CTIF: variants seen among roughly 807,000 people sequenced by gnomAD.
CTIF encodes the protein CBP80/20-dependent translation initiation factor.
CTIF carries 21 observed loss-of-function variants against 66.0 expected under a neutral mutation model. That is an observed-to-expected ratio of 0.32 (90% confidence interval 0.23 to 0.46). CTIF has a LOEUF of 0.46. Ranked by LOEUF, CTIF falls within the 20% of genes least tolerant of loss-of-function variation. The probability of loss-of-function intolerance (pLI) is 1.00; values close to 1 mark genes in which losing one functional copy is unlikely to be tolerated. For synonymous variants in CTIF, 345 were observed against 326.4 expected (o/e 1.06, Z -0.62); for missense variants, 739 against 812.7 (o/e 0.91, Z 1.10).
intron 10 of CTIF, among the ~76,000 whole-genome samples, chr18:48,841,036 A>G (rs1464000010): frequency 1.3e-5 from 2 of 152,168 alleles, no homozygotes; most frequent in African/African-American, 4.8e-5. Flanking sequence ...GGAGTGGGCC[A>G]GTGTGTCCCT....
intron 2 of CTIF, among the ~76,000 whole-genome samples, chr18:48,623,267 G>A (rs550055282): frequency 1.3e-5 from 2 of 152,320 alleles, no homozygotes; most frequent in African/African-American, 2.4e-5. Flanking sequence ...GAATTCCCTC[G>A]AAGAATGCAG....
chr18:48,590,698 C>G (rs939530636), intron 1 of CTIF, among the ~76,000 whole-genome samples: 2 of 152,190 alleles, frequency 1.3e-5, no homozygotes, highest in Non-Finnish European at 2.9e-5. Context: ...AAGAGGATGG[C>G]CACACCCTCG....
chr18:48,576,616 C>T (rs956846264), intron 1 of CTIF, among the ~76,000 whole-genome samples: 8 of 152,300 alleles, frequency 5.3e-5, no homozygotes, highest in Middle Eastern at 3.4e-3. Context: ...CCAGCCGGGG[C>T]GTAACCGTTT....
intron 1 of CTIF, chr18:48,566,296 GT>G (rs961592180): frequency 1.3e-5 from 2 of 152,306 alleles, no homozygotes; most frequent in Admixed American, 6.5e-5. Flanking sequence ...GCCAAGTCCT[GT>G]TCTAGCTGCT....
At chr18:48,809,642 A>G (rs762982508) in intron 9 of CTIF, among the ~76,000 whole-genome samples, 5 of 152,030 alleles carry the variant, frequency 3.3e-5, no homozygotes, top group Non-Finnish European at 7.4e-5. Context: ...AATTTTTTGG[A>G]AGTTTGAATG....
chr18:48,835,163 G>A (rs897572524), intron 10 of CTIF, among the ~76,000 whole-genome samples: 2 of 152,208 alleles, frequency 1.3e-5, no homozygotes, highest in Non-Finnish European at 2.9e-5. Context: ...CCTCTGCGGG[G>A]TTCCCAGAAG....
At chr18:48,588,934 C>G (rs2143935195) in intron 1 of CTIF, among the ~76,000 whole-genome samples, 1 of 152,292 alleles carries the variant, frequency 6.6e-6, no homozygotes, top group Non-Finnish European at 1.5e-5. Context: ...GGACTTTTCC[C>G]TTTCCCCTCC....
chr18:48,859,851 C>G lies in CTIF; in HGVS notation c.*292C>G, dbSNP rs2069421487. 1 of 592,456 alleles carries G rather than the reference C, an allele frequency of 1.7e-6. No homozygotes were observed. Among genetic ancestry groups the G allele is most frequent in the East Asian group, 3.7e-5 (1 of 26,976 alleles). The allele number at this position is 592,456 out of a possible 1,614,324, so 36.7% of individuals were successfully genotyped here. The stretch of plus-strand genomic sequence containing the variant: ...CTTCCTCACTCCCGCCTCTCCCCTC[C>G]CCATCAGACCCATCCCCCACGGAGC... On this transcript the variant is annotated 3_prime_UTR_variant, in exon 12 of 12. Transcript: ENST00000256413.
chr18:48,817,465 G>A, intron 10 of CTIF, 89 bp downstream of exon 10: 3 of 1,474,952 alleles, frequency 2.0e-6, no homozygotes, highest in South Asian at 1.3e-5. Context: ...AGCTGTGAGG[G>A]TAGGCTCACT....
intron 6 of CTIF, among the ~76,000 whole-genome samples, chr18:48,690,599 A>G (rs552324748): frequency 1.1e-4 from 16 of 152,250 alleles, no homozygotes; most frequent in African/African-American, 3.9e-4. Flanking sequence ...CTGATCCATC[A>G]TGACCTGGCT....
intron 2 of CTIF, among the ~76,000 whole-genome samples, chr18:48,622,736 G>A (rs34511015): frequency 0.056 from 8,575 of 152,210 alleles, 381 homozygotes; most frequent in African/African-American, 0.13. Flanking sequence ...GATTGTCTAG[G>A]GCAGGAACTA....
intron 7 of CTIF, among the ~76,000 whole-genome samples, chr18:48,740,789 G>A (rs2092546611): frequency 6.6e-6 from 1 of 151,942 alleles, no homozygotes; most frequent in Non-Finnish European, 1.5e-5. Context: ...GCCTACCCGT[G>A]GTCAACTCAT....
intron 9 of CTIF, among the ~76,000 whole-genome samples, chr18:48,785,754 C>A (rs904513592): frequency 2.0e-5 from 3 of 152,194 alleles, no homozygotes; most frequent in Admixed American, 6.5e-5. Context: ...TACCAAATTT[C>A]TATGGGGTAC....
chr18:48,656,856 G>A (rs952345595), intron 3 of CTIF, among the ~76,000 whole-genome samples: 4 of 152,230 alleles, frequency 2.6e-5, no homozygotes, highest in African/African-American at 9.6e-5. Context: ...TGTGCTCAGA[G>A]GGAAGCTGTG....
chr18:48,799,355 C>A (rs1382570707), intron 9 of CTIF, among the ~76,000 whole-genome samples: 1 of 152,052 alleles, frequency 6.6e-6, no homozygotes, highest in Non-Finnish European at 1.5e-5. Context: ...AATAACTTGC[C>A]CAAGGTCAAA....
At chr18:48,704,115 T>C (rs1362366407) in intron 6 of CTIF, among the ~76,000 whole-genome samples, 2 of 151,846 alleles carry the variant, frequency 1.3e-5, no homozygotes, top group African/African-American at 4.8e-5. Context: ...CACCACGGGG[T>C]CTATGGTAGG....
At chr18:48,674,189 G>A (rs990695175) in intron 6 of CTIF, among the ~76,000 whole-genome samples, 6 of 152,230 alleles carry the variant, frequency 3.9e-5, no homozygotes, top group Non-Finnish European at 5.9e-5. Context: ...CCCCACGAGA[G>A]GCACAGCCTA....
intron 3 of CTIF, among the ~76,000 whole-genome samples, chr18:48,659,074 C>T (rs567068964): frequency 3.9e-5 from 6 of 152,296 alleles, no homozygotes; most frequent in East Asian, 3.9e-4. Flanking sequence ...GTCTTCTCCA[C>T]GTGCTAGGCT....
At chr18:48,672,872 G>C in intron 6 of CTIF, among the ~76,000 whole-genome samples, 1 of 152,122 alleles carries the variant, frequency 6.6e-6, no homozygotes, top group African/African-American at 2.4e-5. Context: ...CCCTTGCCCA[G>C]CCTCTGTCCT....
Sources: allele counts gnomAD v4.1 joint callset (sites outside exome capture counted in the v4.1 genomes callset), GRCh38; gene constraint gnomAD v4.1.1; transcripts MANE v1.5; gene names NCBI Gene and HGNC (gene_info 2026-07-23, HGNC 2026-07-21).